The following PKP2 variants were observed in gnomAD, a reference collection of about 807,000 sequenced individuals.
PKP2 encodes the protein plakophilin-2.
In PKP2, 73 loss-of-function variants were observed where a neutral mutation model predicts 83.4. The ratio of observed to expected loss-of-function variants is 0.88; its 90% CI spans 0.72 to 1.06. The LOEUF (loss-of-function observed/expected upper bound fraction) is 1.06. Among genes scored for constraint, PKP2 ranks in the 50% least tolerant of loss-of-function variants. The pLI, the probability that PKP2 is intolerant of heterozygous loss-of-function variation, is 0.00. For synonymous variants in PKP2, 409 were observed against 430.4 expected (o/e 0.95, Z 0.62); for missense variants, 966 against 1,065.4 (o/e 0.91, Z 1.30).
At position 32,821,495 on chromosome 12, in the gene PKP2, C is replaced by A. The variant is rs779926314; in HGVS notation, c.1874G>T (p.Ser625Ile). The change falls in exon 9 of 13, where the codon AGC becomes ATC. Residue 625 changes from serine (S) to isoleucine (I), a missense_variant. Coordinates refer to ENST00000340811, the MANE Select transcript of PKP2 (RefSeq NM_001005242.3). ...CAGCCACTCCACGCCCTTGGGGTTG[C>A]TCTTTTCCTCCGGCATCGGCACGTC... ...YQDVPMPEEK[S>I]NPKGVEWLWH... is the part of the protein sequence containing the mutation. 3 of 1,614,042 alleles carry A rather than the reference C, an allele frequency of 1.9e-6. No individual in the cohort carries two copies. In the Admixed American group the frequency reaches 5.0e-5, roughly 27 times the overall value.
chr12:32,829,024 T>A (rs7975077), intron 6 of PKP2, among the ~76,000 whole-genome samples: 1 of 152,136 alleles, frequency 6.6e-6, no homozygotes, highest in East Asian at 1.9e-4. Context: ...CAGCCTCAAC[T>A]TTCCAGGCTC....
At chr12:32,869,595 T>A in intron 3 of PKP2, among the ~76,000 whole-genome samples, 1 of 141,630 alleles carries the variant, frequency 7.1e-6, no homozygotes, top group African/African-American at 2.6e-5. Context: ...CGAGACTGCA[T>A]CTCAAAAAAA....
At chr12:32,880,862 T>C (rs950140734) in intron 1 of PKP2, among the ~76,000 whole-genome samples, 5 of 152,152 alleles carry the variant, frequency 3.3e-5, no homozygotes, top group African/African-American at 1.2e-4. Context: ...CCAAGTAATA[T>C]CTACTTTCTT....
chr12:32,847,763 C>A (rs1166439991), intron 5 of PKP2, among the ~76,000 whole-genome samples: 2 of 152,090 alleles, frequency 1.3e-5, no homozygotes, highest in Non-Finnish European at 2.9e-5. Context: ...TGAAACATAA[C>A]CCCTTCAGGA....
rs1956075539 is a variant in PKP2 at position 32,792,317 on chromosome 12, G to A, written c.*107C>T. ...GGATTCAGGGGACCACGGAAATAGA[G>A]AAGGATAGAAACAAGGCATGCTTTT... is the stretch of plus-strand genomic sequence containing the variant. On this transcript the variant is annotated 3_prime_UTR_variant, in exon 13 of 13. Transcript: ENST00000340811. 4 of 819,110 alleles carry A rather than the reference G, an allele frequency of 4.9e-6. No individual in the cohort carries two copies. Among genetic ancestry groups the A allele is most frequent in the Non-Finnish European group, 8.6e-6 (4 of 463,308 alleles). 50.7% of individuals were successfully genotyped at this position (819,110 alleles called of 1,614,324 possible). A position where few individuals can be genotyped will look rare whatever the true frequency, so the allele number is the denominator to read the frequency against.
At chr12:32,811,873 G>T (rs1190260033) in intron 9 of PKP2, among the ~76,000 whole-genome samples, 1 of 152,196 alleles carries the variant, frequency 6.6e-6, no homozygotes, top group East Asian at 1.9e-4. Context: ...GTATCTGCAG[G>T]CCATTTTGTC....
chr12:32,825,830 G>A (rs1956434250), intron 6 of PKP2, among the ~76,000 whole-genome samples: 1 of 152,156 alleles, frequency 6.6e-6, no homozygotes, highest in Non-Finnish European at 1.5e-5. Context: ...CTTGAGCCTG[G>A]AGGTTGAGGC....
intron 6 of PKP2, among the ~76,000 whole-genome samples, chr12:32,825,313 C>T (rs975235025): frequency 1.3e-4 from 19 of 151,860 alleles, no homozygotes; most frequent in South Asian, 1.2e-3. Flanking sequence ...GGACTACAGG[C>T]GTGCGTCACT....
intron 9 of PKP2, among the ~76,000 whole-genome samples, chr12:32,816,647 C>G (rs12099850): frequency 0.081 from 12,348 of 152,144 alleles, 1,085 homozygotes; most frequent in African/African-American, 0.22. Flanking sequence ...GTTTTAAGTT[C>G]TCTGAGAAAC....
At chr12:32,795,704 C>A (rs1441273613) in intron 11 of PKP2, among the ~76,000 whole-genome samples, 1 of 152,130 alleles carries the variant, frequency 6.6e-6, no homozygotes. Context: ...TCTAAACCAC[C>A]TGGTGTGACA....
At position 32,877,987 on chromosome 12, in the gene PKP2, G is replaced by T. The variant is rs753271708; in HGVS notation, c.893C>A (p.Thr298Asn). 2 of 1,614,040 alleles carry T rather than the reference G, an allele frequency of 1.2e-6. No homozygotes were observed. Among genetic ancestry groups the T allele is most frequent in the Non-Finnish European group, 1.7e-6 (2 of 1,179,998 alleles). ...SSWHQSSFHSTRTLREAGPSV... is the reference protein window; with the variant it reads ...SSWHQSSFHSNRTLREAGPSV... ...GGGCCCAGCTTCCCTCAGCGTGCGG[G>T]TGCTGTGGAAGGAGCTCTGATGCCA... Residue 298 changes from threonine (T) to asparagine (N), a missense_variant, in exon 3 of 13, where the codon ACC becomes AAC. By Grantham distance (65) the Thr-to-Asn change is moderately conservative (BLOSUM62 0). Coordinates refer to ENST00000340811, the MANE Select transcript of PKP2 (RefSeq NM_001005242.3).
chr12:32,822,326 C>A, intron 8 of PKP2, 141 bp downstream of exon 8: 1 of 732,704 alleles, frequency 1.4e-6, no homozygotes, highest in Non-Finnish European at 2.4e-6. Flanking sequence ...ATAATACACA[C>A]TTCAAAAGGT....
intron 4 of PKP2, among the ~76,000 whole-genome samples, chr12:32,865,575 A>T (rs1447714033): frequency 6.7e-6 from 1 of 150,080 alleles, no homozygotes; most frequent in Non-Finnish European, 1.5e-5. Flanking sequence ...AATCCCAGCT[A>T]CTTGGGAGGC....
intron 10 of PKP2, among the ~76,000 whole-genome samples, chr12:32,797,560 C>CT (rs751510872): frequency 6.6e-4 from 88 of 132,696 alleles, no homozygotes; most frequent in South Asian, 1.0e-3. Context: ...GAACTAAAAT[C>CT]TTTTTTTTTT....
At chr12:32,839,022 A>C (rs979600594) in intron 6 of PKP2, among the ~76,000 whole-genome samples, 3 of 152,230 alleles carry the variant, frequency 2.0e-5, no homozygotes, top group African/African-American at 7.2e-5. Context: ...AAATTAAATA[A>C]AGTATTGATA....
At chr12:32,825,507 G>A (rs1592739344) in intron 6 of PKP2, among the ~76,000 whole-genome samples, 1 of 152,264 alleles carries the variant, frequency 6.6e-6, no homozygotes, top group East Asian at 1.9e-4. Context: ...AGAATATCCA[G>A]AATATGTTCA....
At chr12:32,888,379 T>TA (rs1158707013) in intron 1 of PKP2, among the ~76,000 whole-genome samples, 1 of 152,206 alleles carries the variant, frequency 6.6e-6, no homozygotes, top group Non-Finnish European at 1.5e-5. Flanking sequence ...TTAAAATACT[T>TA]ACTACAGGTT....
chr12:32,820,911 A>ATT (rs1956369705), intron 9 of PKP2: 1 of 199,582 alleles, frequency 5.0e-6, no homozygotes, highest in African/African-American at 2.4e-5. Context: ...GGCTGATAAA[A>ATT]CGTGAGCCTG....
intron 9 of PKP2, 127 bp from the exon 10 acceptor site, chr12:32,802,683 A>C: frequency 1.2e-6 from 1 of 854,658 alleles, no homozygotes; most frequent in Non-Finnish European, 1.9e-6. Context: ...TTTTGAGACA[A>C]AGTCTCTCTC....
Sources: allele counts gnomAD v4.1 joint callset (sites outside exome capture counted in the v4.1 genomes callset), GRCh38; gene constraint gnomAD v4.1.1; transcripts MANE v1.5; gene names NCBI Gene and HGNC (gene_info 2026-07-23, HGNC 2026-07-21).